Variants in ATP9B observed in about 807,000 individuals in gnomAD.
The protein encoded by ATP9B is ATPase phospholipid transporting 9B.
Under a neutral mutation model 146.1 loss-of-function variants are expected in ATP9B, and 110 were observed. The ratio of observed to expected loss-of-function variants is 0.75; its 90% CI spans 0.65 to 0.88. The LOEUF is 0.88. Among genes scored for constraint, ATP9B ranks in the 40% least tolerant of loss-of-function variants. ATP9B has a pLI of 0.00. For synonymous variants in ATP9B, 604 were observed against 569.7 expected, an observed-to-expected ratio of 1.06 and a Z score of -0.86; for missense variants, 1,499 against 1,496.4, an observed-to-expected ratio of 1.00 and a Z score of -0.03.
intron 26 of ATP9B, among the ~76,000 whole-genome samples, chr18:79,371,231 G>T (rs1211766866): frequency 1.3e-5 from 2 of 152,062 alleles, no homozygotes; most frequent in African/African-American, 4.8e-5. Flanking sequence ...AATTATCTGG[G>T]CATGGTGGCA....
At chr18:79,285,482 AATTT>A (rs2096428278) in intron 13 of ATP9B, among the ~76,000 whole-genome samples, 1 of 151,804 alleles carries the variant, frequency 6.6e-6, no homozygotes, top group African/African-American at 2.4e-5. Flanking sequence ...TTTTCTTGTA[AATTT>A]ATTTGAGTTC....
intron 5 of ATP9B, among the ~76,000 whole-genome samples, chr18:79,138,055 T>A (rs2039843530): frequency 6.6e-6 from 1 of 152,204 alleles, no homozygotes; most frequent in African/African-American, 2.4e-5. Context: ...TTTAATACAT[T>A]TTAGGAATTC....
At chr18:79,156,736 A>G (rs759282387) in intron 7 of ATP9B, among the ~76,000 whole-genome samples, 3 of 152,174 alleles carry the variant, frequency 2.0e-5, no homozygotes, top group Non-Finnish European at 4.4e-5. Flanking sequence ...ATTTGCCAAT[A>G]TTGGAGTATA....
chr18:79,235,039 AT>A lies in ATP9B; in HGVS notation c.1108-18337del, dbSNP rs765013356. Among the ~76,000 whole-genome samples, 226 of 152,022 alleles carry A rather than the reference AT, an allele frequency of 1.5e-3. 5 individuals are homozygous for A. The highest frequency in any genetic ancestry group is 0.014 in the Middle Eastern group (4 of 294). On this transcript the variant is annotated intron_variant, in intron 11 of 29. Coordinates refer to ENST00000426216, the MANE Select transcript of ATP9B (RefSeq NM_198531.5). ...AGGTGCCCATGACCATGCCTGGCTA[AT>A]TTTTATATTTTTAATAGAGATGGGG...
chr18:79,215,147 C>CAAAA (rs11444921), intron 11 of ATP9B, among the ~76,000 whole-genome samples: 2 of 115,752 alleles, frequency 1.7e-5, no homozygotes, highest in East Asian at 2.4e-4. Context: ...GATTCTGTCT[C>CAAAA]AAAAAAAAAA....
intron 9 of ATP9B, among the ~76,000 whole-genome samples, chr18:79,196,592 G>T (rs2095420094): frequency 6.6e-6 from 1 of 152,136 alleles, no homozygotes; most frequent in Non-Finnish European, 1.5e-5. Context: ...GCAGGCTACT[G>T]GGACAGTGGC....
intron 1 of ATP9B, among the ~76,000 whole-genome samples, chr18:79,074,038 C>T (rs2072306017): frequency 6.6e-6 from 1 of 152,126 alleles, no homozygotes; most frequent in Admixed American, 6.5e-5. Flanking sequence ...AGCGTGCAGC[C>T]ACCCTGTTTA....
At chr18:79,107,875 C>T (rs546627494) in intron 2 of ATP9B, among the ~76,000 whole-genome samples, 1 of 152,246 alleles carries the variant, frequency 6.6e-6, no homozygotes, top group African/African-American at 2.4e-5. Flanking sequence ...TTCAACTCTG[C>T]CATTGCCTAG....
intron 8 of ATP9B, among the ~76,000 whole-genome samples, chr18:79,189,817 A>G (rs1040462155): frequency 1.3e-5 from 2 of 152,198 alleles, no homozygotes; most frequent in Non-Finnish European, 2.9e-5. Context: ...ACTTTTGTCT[A>G]CTTTTTGAGA....
intron 1 of ATP9B, among the ~76,000 whole-genome samples, chr18:79,083,873 T>TG (rs960757863): frequency 1.1e-4 from 16 of 151,928 alleles, no homozygotes; most frequent in African/African-American, 3.9e-4. Flanking sequence ...TTCTTTTTTT[T>TG]TTTTTTTTGA....
chr18:79,236,014 G>A (rs922852773), intron 11 of ATP9B, among the ~76,000 whole-genome samples: 1 of 152,138 alleles, frequency 6.6e-6, no homozygotes, highest in African/African-American at 2.4e-5. Context: ...TGTACCGAGC[G>A]AGTGGTATTC....
intron 11 of ATP9B, among the ~76,000 whole-genome samples, chr18:79,218,458 A>G (rs34959465): frequency 0.035 from 5,090 of 144,336 alleles, 129 homozygotes; most frequent in Middle Eastern, 0.053. Context: ...GCAGGCTGGC[A>G]GCTCCTGCTG....
chr18:79,354,609 TC>T (rs1475677752), intron 25 of ATP9B: 1 of 125,408 alleles, frequency 8.0e-6, no homozygotes, highest in Non-Finnish European at 1.7e-5. Flanking sequence ...CAGCCCCACT[TC>T]CGGCCCAGCT....
Position 79,239,269 on chromosome 18 carries a change from C to T in ATP9B, c.1108-14112C>T, listed in dbSNP as rs987766370. 6.6e-6 allele frequency among the ~76,000 whole-genome samples: 1 copy of T among 152,232 alleles called. No individual in the cohort carries two copies. The highest frequency in any genetic ancestry group is 2.4e-5 in the African/African-American group (1 of 41,464). ...CTGTGGACCACCGCGTGTGCCCCTT[C>T]AGCCCTCTTATTTCCACCGCTCCAC... On this transcript the variant is annotated intron_variant, in intron 11 of 29. Transcript: ENST00000426216. The surrounding 1 kb of genome is among the most constrained non-coding windows in gnomAD (Gnocchi z 5.1).
At chr18:79,234,949 C>T (rs149547981) in intron 11 of ATP9B, among the ~76,000 whole-genome samples, 3,373 of 152,142 alleles carry the variant, frequency 0.022, 133 homozygotes, top group African/African-American at 0.076. Flanking sequence ...CTAGGCTCAC[C>T]GCAACCTCCG....
At chr18:79,343,569 C>T (rs2096869851) in intron 20 of ATP9B, 1 of 152,152 alleles carries the variant, frequency 6.6e-6, no homozygotes, top group Admixed American at 6.5e-5. Context: ...AGTTGAAACC[C>T]ATGGCAGAGA....
intron 26 of ATP9B, among the ~76,000 whole-genome samples, chr18:79,367,080 T>C (rs910602593): frequency 1.4e-5 from 2 of 147,284 alleles, no homozygotes; most frequent in African/African-American, 5.1e-5. Flanking sequence ...CTCCACCGTG[T>C]GTACGCAGAG....
At chr18:79,072,201 G>A (rs1320755851) in intron 1 of ATP9B, among the ~76,000 whole-genome samples, 1 of 151,528 alleles carries the variant, frequency 6.6e-6, no homozygotes, top group African/African-American at 2.4e-5. Context: ...TCTCGGAGAG[G>A]GGGATTTGGC....
chr18:79,123,596 A>G (rs749870358), intron 4 of ATP9B, among the ~76,000 whole-genome samples: 1 of 152,094 alleles, frequency 6.6e-6, no homozygotes, highest in Non-Finnish European at 1.5e-5. Flanking sequence ...TGAAAATGCA[A>G]AGGGCTCAGA....
Sources: gnomAD v4.1 joint callset for allele counts (sites outside exome capture counted in the v4.1 genomes callset) on GRCh38, gnomAD v4.1.1 for gene constraint, Gnocchi (gnomAD v3.1) non-coding constraint, MANE v1.5 for transcripts, NCBI Gene and HGNC (gene_info 2026-07-23, HGNC 2026-07-21) for gene names.